Variants in GFRAL observed in about 807,000 individuals in gnomAD.
GFRAL encodes GDNF family receptor alpha like.
GFRAL carries 36 observed loss-of-function variants against 45.4 expected under a neutral mutation model. The observed-to-expected ratio is 0.79, with a 90% CI of 0.61 to 1.05. The LOEUF (loss-of-function observed/expected upper bound fraction) is 1.05, where lower values mean the gene tolerates loss of function less well. Among genes scored for constraint, GFRAL ranks in the 50% least tolerant of loss-of-function variants. The pLI, the probability that GFRAL is intolerant of heterozygous loss-of-function variation, is 0.00. For synonymous variants in GFRAL, 166 were observed against 154.1 expected, an observed-to-expected ratio of 1.08 and a Z score of -0.57; for missense variants, 507 against 467.5, an observed-to-expected ratio of 1.08 and a Z score of -0.78.
intron 6 of GFRAL, among the ~76,000 whole-genome samples, chr6:55,375,096 G>T (rs1315245056): frequency 3.3e-5 from 5 of 152,054 alleles, no homozygotes; most frequent in Admixed American, 6.6e-5. Context: ...GGACTGTCTT[G>T]GCTATTTCGC....
chr6:55,368,662 A>C (rs566118848), intron 6 of GFRAL, among the ~76,000 whole-genome samples: 86 of 152,148 alleles, frequency 5.7e-4, no homozygotes, highest in African/African-American at 1.8e-3. Context: ...CTTCTAACAG[A>C]GAGGACCCTC....
rs1010021499 is a variant in GFRAL at position 55,399,122 on chromosome 6, A to G, written c.953-58A>G. The G allele has an allele frequency of 4.5e-6, 4 of 882,652 alleles. No homozygotes were observed. In the East Asian group the frequency reaches 1.1e-4, roughly 25 times the overall value. 54.7% of individuals were successfully genotyped at this position (882,652 alleles called of 1,614,324 possible). ...TAAAAGATAAAGCAAATTGTAATCC[A>G]TAAAATTAAAATAATGTATGATATG... On this transcript the variant is annotated intron_variant, in intron 6 of 8. Coordinates refer to ENST00000340465, the MANE Select transcript of GFRAL (RefSeq NM_207410.2).
At chr6:55,377,620 A>C (rs1768552818) in intron 6 of GFRAL, among the ~76,000 whole-genome samples, 1 of 151,970 alleles carries the variant, frequency 6.6e-6, no homozygotes, top group African/African-American at 2.4e-5. Context: ...GAGGCTGGGA[A>C]ATATAGTTTA....
At chr6:55,392,945 T>C (rs1402087813) in intron 6 of GFRAL, among the ~76,000 whole-genome samples, 1 of 152,140 alleles carries the variant, frequency 6.6e-6, no homozygotes, top group East Asian at 1.9e-4. Flanking sequence ...AAAAATTTGC[T>C]TGGCTCCCAG....
At chr6:55,331,872 A>G (rs755371298) in intron 2 of GFRAL, 23 bp downstream of exon 2, 3 of 1,590,986 alleles carry the variant, frequency 1.9e-6, no homozygotes, top group East Asian at 2.3e-5. Context: ...CTAAAAATAC[A>G]CTCAAATGAT....
intron 3 of GFRAL, among the ~76,000 whole-genome samples, chr6:55,340,024 C>A (rs1767940824): frequency 6.6e-6 from 1 of 152,054 alleles, no homozygotes. Flanking sequence ...ATGGACAAGA[C>A]CTAAAGGAGA....
intron 6 of GFRAL, among the ~76,000 whole-genome samples, chr6:55,379,922 G>T (rs1179897004): frequency 1.3e-5 from 2 of 151,764 alleles, no homozygotes; most frequent in Admixed American, 1.3e-4. Context: ...TCTGTGCCTG[G>T]CATTTTTCGT....
Position 55,399,275 on chromosome 6 carries a change from G to A in GFRAL, c.1048G>A (p.Gly350Arg). The change falls in exon 7 of 9, where the codon GGA (glycine) becomes AGA (arginine). Residue 350 changes from glycine (G) to arginine (R), a missense_variant and splice_region_variant. By Grantham distance (125) the Gly-to-Arg change is moderately radical. Coordinates refer to ENST00000340465, the MANE Select transcript of GFRAL (RefSeq NM_207410.2). The part of the protein sequence containing the change: ...TLTGFHSPFN[G>R]EVIYAAMCMT... ...AACTGGATTTCATTCCCCCTTCAAT[G>A]GTCAGTTAAAAATCAATCCTCTATA... The A allele has an allele frequency of 6.3e-7, 1 of 1,579,134 alleles. No homozygotes were observed. Among genetic ancestry groups the A allele is most frequent in the Non-Finnish European group, 8.7e-7 (1 of 1,151,184 alleles).
chr6:55,335,764 A>G (rs1767882302), intron 3 of GFRAL, among the ~76,000 whole-genome samples: 2 of 152,260 alleles, frequency 1.3e-5, no homozygotes, highest in South Asian at 2.1e-4. Context: ...ATTCTGTTCC[A>G]TTGAGTTAAT....
At chr6:55,378,563 C>A (rs1768565006) in intron 6 of GFRAL, among the ~76,000 whole-genome samples, 1 of 151,948 alleles carries the variant, frequency 6.6e-6, no homozygotes, top group Non-Finnish European at 1.5e-5. Context: ...CATGGAGGGT[C>A]TTCTCTGTGG....
At chr6:55,375,136 T>C (rs1193290114) in intron 6 of GFRAL, among the ~76,000 whole-genome samples, 3 of 152,086 alleles carry the variant, frequency 2.0e-5, no homozygotes, top group Non-Finnish European at 4.4e-5. Flanking sequence ...AATTTTTAAA[T>C]AGCTTTTTTC....
At chr6:55,397,524 CAA>C (rs70986715) in intron 6 of GFRAL, among the ~76,000 whole-genome samples, 2,559 of 67,178 alleles carry the variant, frequency 0.038, 49 homozygotes, top group African/African-American at 0.13. Context: ...GACTCCGTCT[CAA>C]AAAAAAAAAA....
chr6:55,328,863 A>G (rs990550765), intron 1 of GFRAL, among the ~76,000 whole-genome samples: 3 of 152,148 alleles, frequency 2.0e-5, no homozygotes, highest in East Asian at 3.9e-4. Flanking sequence ...AACATTTCCC[A>G]TATTATATTT....
At chr6:55,400,258 T>C (rs1768878670) in intron 8 of GFRAL, among the ~76,000 whole-genome samples, 1 of 152,118 alleles carries the variant, frequency 6.6e-6, no homozygotes, top group Non-Finnish European at 1.5e-5. Context: ...AATGAAGAAA[T>C]ATACATAAGT....
At position 55,329,894 on chromosome 6, in the gene GFRAL, T is replaced by G. The variant is rs574498286; in HGVS notation, c.23-1821T>G. The stretch of plus-strand genomic sequence containing the variant: ...CAAGCCCTTACTTGAAGCCTATCAC[T>G]CTACATTGTCACAGGTGATTCATAA... On this transcript the variant is annotated intron_variant, in intron 1 of 8. Coordinates refer to ENST00000340465, the MANE Select transcript of GFRAL (RefSeq NM_207410.2). 1.1e-4 allele frequency among the ~76,000 whole-genome samples: 17 copies of G among 152,238 alleles called. No homozygotes were observed. In the South Asian group the frequency reaches 3.5e-3, roughly 32 times the overall value.
intron 6 of GFRAL, among the ~76,000 whole-genome samples, chr6:55,362,294 CAACAA>C (rs1197653747): frequency 6.0e-5 from 9 of 150,006 alleles, no homozygotes; most frequent in South Asian, 2.1e-4. Flanking sequence ...AAAACAGCAA[CAACAA>C]AACAAAACAA....
At chr6:55,364,119 T>C (rs1372921998) in intron 6 of GFRAL, among the ~76,000 whole-genome samples, 1 of 149,530 alleles carries the variant, frequency 6.7e-6, no homozygotes, top group Non-Finnish European at 1.5e-5. Flanking sequence ...GCCTTTTAAA[T>C]GATTGCCATT....
At chr6:55,390,577 A>G (rs900962934) in intron 6 of GFRAL, among the ~76,000 whole-genome samples, 3 of 152,172 alleles carry the variant, frequency 2.0e-5, no homozygotes, top group Non-Finnish European at 4.4e-5. Context: ...GGAGTAGTAA[A>G]TATTGACCTC....
At chr6:55,349,950 G>A in intron 3 of GFRAL, 142 bp from the exon 4 acceptor site, 1 of 648,750 alleles carries the variant, frequency 1.5e-6, no homozygotes, top group Non-Finnish European at 2.8e-6. Context: ...AATATCAAGG[G>A]CTAAATACAT....
Sources: allele counts gnomAD v4.1 joint callset (sites outside exome capture counted in the v4.1 genomes callset), GRCh38; gene constraint gnomAD v4.1.1; transcripts MANE v1.5; gene names NCBI Gene and HGNC (gene_info 2026-07-23, HGNC 2026-07-21).